NR4A3: variants seen among roughly 807,000 people sequenced by gnomAD.
NR4A3 encodes nuclear receptor subfamily 4 group A member 3.
A neutral mutation model predicts 55.6 loss-of-function variants in NR4A3; 13 were observed. The observed-to-expected ratio is 0.23, with a 90% CI of 0.15 to 0.37. The LOEUF is 0.37. NR4A3 is among the 10% of genes least tolerant of loss of function. NR4A3 has a pLI of 1.00. For synonymous variants in NR4A3, 342 were observed against 357.9 expected (o/e 0.96, Z 0.50); for missense variants, 646 against 822.8 (o/e 0.79, Z 2.63).
intron 5 of NR4A3, among the ~76,000 whole-genome samples, chr9:99,842,852 A>G (rs1827679806): frequency 6.6e-6 from 1 of 152,210 alleles, no homozygotes; most frequent in South Asian, 2.1e-4. Flanking sequence ...GTGTAACTTG[A>G]GAAAATCTCT....
intron 4 of NR4A3, among the ~76,000 whole-genome samples, 200 bp from the exon 5 acceptor site, chr9:99,833,082 A>G (rs1827477918): frequency 6.6e-6 from 1 of 152,236 alleles, no homozygotes; most frequent in Admixed American, 6.5e-5. Context: ...CCAAATGTAA[A>G]TATCGGTGGC....
At chr9:99,858,491 AC>A (rs1827963446) in intron 7 of NR4A3, among the ~76,000 whole-genome samples, 1 of 152,216 alleles carries the variant, frequency 6.6e-6, no homozygotes, top group African/African-American at 2.4e-5. Flanking sequence ...CGCATCTCTA[AC>A]CCCAGTGGTT....
At chr9:99,834,946 T>A in intron 5 of NR4A3, 1 of 984,540 alleles carries the variant, frequency 1.0e-6, no homozygotes, top group Non-Finnish European at 1.2e-6. Flanking sequence ...AGTTAACAGT[T>A]TAGGCTTCTT....
In NR4A3 at chr9:99,832,687, A is replaced by G; in HGVS notation, c.952-2A>G. On this transcript the variant is annotated splice_acceptor_variant, in intron 3 of 7. Transcript: ENST00000395097. LOFTEE classifies it high-confidence loss of function. ...TGACTATCTTGTATTATATTTTCTCAGAGAACAGTGCAGAAAAATGCAAAA... is the reference window on the plus strand; with the variant it reads ...TGACTATCTTGTATTATATTTTCTCGGAGAACAGTGCAGAAAAATGCAAAA... The G allele has an allele frequency of 6.3e-7, 1 of 1,590,528 alleles. No homozygotes were observed. Among genetic ancestry groups the G allele is most frequent in the South Asian group, 1.1e-5 (1 of 88,342 alleles).
At chr9:99,831,811 C>T (rs1462373289) in intron 3 of NR4A3, among the ~76,000 whole-genome samples, 2 of 152,118 alleles carry the variant, frequency 1.3e-5, no homozygotes, top group African/African-American at 4.8e-5. Context: ...GTTTATTTCT[C>T]CATGTGTCAT....
At chr9:99,842,770 A>T (rs1175944981) in intron 5 of NR4A3, among the ~76,000 whole-genome samples, 1 of 152,112 alleles carries the variant, frequency 6.6e-6, no homozygotes, top group Non-Finnish European at 1.5e-5. Flanking sequence ...CATCAGACAT[A>T]CTTAATAGCT....
chr9:99,826,019 A>C (rs1471777333), intron 2 of NR4A3, among the ~76,000 whole-genome samples, 187 bp downstream of exon 2: 2 of 152,240 alleles, frequency 1.3e-5, no homozygotes, highest in Admixed American at 1.3e-4. Flanking sequence ...GTTGCTACTG[A>C]GTGGAGCAGC....
intron 3 of NR4A3, among the ~76,000 whole-genome samples, chr9:99,831,108 G>T (rs1827431581): frequency 6.6e-6 from 1 of 152,210 alleles, no homozygotes; most frequent in African/African-American, 2.4e-5. Flanking sequence ...TAGGAATTCG[G>T]TGATTGAACC....
chr9:99,825,379 C>T lies in NR4A3; in HGVS notation c.-176-280C>T, dbSNP rs960384981. ...AATTTCTGGGCAATAACAGGCTGCG[C>T]GTTTTTTTTTTAGCCTCGGTTTTGG... On this transcript the variant is annotated intron_variant, in intron 1 of 7. Coordinates refer to ENST00000395097, the MANE Select transcript of NR4A3 (RefSeq NM_006981.4). The surrounding 1 kb of genome is among the most constrained non-coding windows in gnomAD (Gnocchi z 5.0). Among the ~76,000 whole-genome samples, 2 of 151,670 alleles carry T rather than the reference C, an allele frequency of 1.3e-5. No individual in the cohort carries two copies. Among genetic ancestry groups the T allele is most frequent in the African/African-American group, 4.8e-5 (2 of 41,262 alleles).
intron 5 of NR4A3, among the ~76,000 whole-genome samples, chr9:99,837,665 T>C (rs1827583530): frequency 6.6e-6 from 1 of 152,206 alleles, no homozygotes. Context: ...CCGATCCCAC[T>C]CCTTAGCCGT....
rs1269176641 is a variant in NR4A3 at position 99,863,753 on chromosome 9, A to G, written c.1767A>G (p.Glu589=). 1 of 1,613,590 alleles carries G rather than the reference A, an allele frequency of 6.2e-7. No homozygotes were observed. The highest frequency in any genetic ancestry group is 1.1e-5 in the South Asian group (1 of 91,032). The change falls in exon 8 of 8, where the codon GAA becomes GAG. Residue 589 remains glutamate, a synonymous_variant. Coordinates refer to ENST00000395097, the MANE Select transcript of NR4A3 (RefSeq NM_006981.4). The stretch of plus-strand genomic sequence containing the variant: ...CCAAGGTCCTGGGTGCCCTGGTAGA[A>G]CTGAGGAAGATCTGCACCCTGGGCC... ...TESKVLGALV[E]LRKICTLGLQ...
At chr9:99,857,755 C>CAAATAAATAAATAAATAAATAAAT in intron 7 of NR4A3, among the ~76,000 whole-genome samples, 1 of 141,366 alleles carries the variant, frequency 7.1e-6, no homozygotes, top group African/African-American at 2.7e-5. Context: ...CTCTGTCTCA[C>CAAATAAATAAATAAATAAATAAAT]AAATAAATAA....
chr9:99,841,592 A>G (rs1393313773), intron 5 of NR4A3, among the ~76,000 whole-genome samples: 1 of 152,208 alleles, frequency 6.6e-6, no homozygotes, highest in Non-Finnish European at 1.5e-5. Flanking sequence ...CCCTTTACAT[A>G]TGTTATCACA....
In NR4A3 at chr9:99,828,825, C is replaced by T. The variant is rs1827376533; in HGVS notation, c.783C>T (p.Leu261=). 1 of 1,476,794 alleles carries T rather than the reference C, an allele frequency of 6.8e-7. No individual in the cohort carries two copies. Among genetic ancestry groups the T allele is most frequent in the Admixed American group, 2.3e-5 (1 of 43,850 alleles). The allele number at this position is 1,476,794 out of a possible 1,614,324, so 91.5% of individuals were successfully genotyped here. A position where few individuals can be genotyped will look rare whatever the true frequency, so the allele number is the denominator to read the frequency against. Residue 261 remains leucine (L), a synonymous_variant, in exon 3 of 8, where the codon CTC becomes CTT. Coordinates refer to ENST00000395097, the MANE Select transcript of NR4A3 (RefSeq NM_006981.4). This position sits in a 1 kb window ranked among gnomAD's most constrained non-coding sequence, Gnocchi z 7.7. ...CGCTGGCCTTCCCGCCTCTCGGCCT[C>T]ACGCCCTCCCCTACCGCGTCCAGCC... is the stretch of plus-strand genomic sequence containing the variant. ...AAPLAFPPLG[L]TPSPTASSLL...
At chr9:99,842,137 A>G (rs1417698811) in intron 5 of NR4A3, among the ~76,000 whole-genome samples, 3 of 137,560 alleles carry the variant, frequency 2.2e-5, no homozygotes, top group African/African-American at 8.3e-5. Flanking sequence ...TAGTTATTTA[A>G]TACTGCTTCT....
At chr9:99,832,242 A>G (rs921727518) in intron 3 of NR4A3, among the ~76,000 whole-genome samples, 6 of 152,212 alleles carry the variant, frequency 3.9e-5, no homozygotes, top group Non-Finnish European at 8.8e-5. Flanking sequence ...TCTGTTGGGT[A>G]ACAAAGCCAG....
chr9:99,863,626 A>G lies in NR4A3; in HGVS notation c.1640A>G (p.His547Arg), dbSNP rs746531063. 1.2e-6 allele frequency: 2 copies of G among 1,613,336 alleles called. No individual in the cohort carries two copies. The highest frequency in any genetic ancestry group is 1.7e-6 in the Non-Finnish European group (2 of 1,179,750). ...CTTCTCTATCCCTCTGCAGAAAGAC[A>G]TGGGTTAAAAGAACCAAAGAGAGTC... Reference protein sequence around the residue: ...LSALSMITERHGLKEPKRVEE... With the variant: ...LSALSMITERRGLKEPKRVEE... The change falls in exon 8 of 8, where the codon CAT (histidine) becomes CGT (arginine). Residue 547 changes from histidine to arginine, a missense_variant. By Grantham distance (29) the His-to-Arg change is conservative (BLOSUM62 0). Around this residue, in one of 5 missense-constraint regions of NR4A3, gnomAD observed 163 missense variants for 233.0 expected, o/e 0.70. Transcript: ENST00000395097.
At chr9:99,832,621 T>C (rs1220793933) in intron 3 of NR4A3, 68 bp from the exon 4 acceptor site, 2 of 1,288,646 alleles carry the variant, frequency 1.6e-6, no homozygotes, top group Non-Finnish European at 2.1e-6. Context: ...GTAATTAAAA[T>C]ACATCTTGTC....
chr9:99,839,744 GA>G (rs1827619517), intron 5 of NR4A3, among the ~76,000 whole-genome samples: 1 of 152,112 alleles, frequency 6.6e-6, no homozygotes. Context: ...CTATAGGGTG[GA>G]AAAAAATTAG....
Sources: allele counts gnomAD v4.1 joint callset (sites outside exome capture counted in the v4.1 genomes callset), GRCh38; gene constraint gnomAD v4.1.1; regional missense constraint gnomAD v4.1.1; non-coding constraint Gnocchi (gnomAD v3.1); transcripts MANE v1.5; gene names NCBI Gene and HGNC (gene_info 2026-07-23, HGNC 2026-07-21).